PHF24: variants seen among roughly 807,000 people sequenced by gnomAD.
PHF24 encodes PHD finger protein 24, also known as Galpha inhibitory interacting protein.
A neutral mutation model predicts 42.6 loss-of-function variants in PHF24; 25 were observed. The observed-to-expected ratio is 0.59, with a 90% CI of 0.43 to 0.82. PHF24 has a LOEUF of 0.82. Ranked by LOEUF, PHF24 falls within the 40% of genes least tolerant of loss-of-function variation. PHF24 has a pLI of 0.00. For synonymous variants in PHF24, 185 were observed against 204.8 expected (o/e 0.90, Z 0.83); for missense variants, 470 against 538.1 (o/e 0.87, Z 1.25).
At chr9:34,887,177 C>T in the PHF24 span, among the ~76,000 whole-genome samples, 1 of 152,110 alleles carries the variant, frequency 6.6e-6, no homozygotes, top group African/African-American at 2.4e-5. Flanking sequence ...TTGTCTCTAC[C>T]TTCAAAGTGA....
At chr9:34,886,795 ACTCT>A in the PHF24 span, among the ~76,000 whole-genome samples, 2,624 of 134,780 alleles carry the variant, frequency 0.019, 96 homozygotes, top group African/African-American at 0.069. Context: ...CTGTCTATCT[ACTCT>A]ATCTATGTAT....
chr9:34,872,098 A>G, the PHF24 span, among the ~76,000 whole-genome samples: 5 of 152,002 alleles, frequency 3.3e-5, no homozygotes, highest in African/African-American at 1.2e-4. Flanking sequence ...TTTTCCTCAT[A>G]AAGATCTGGT....
At chr9:34,667,022 A>G in the PHF24 span, among the ~76,000 whole-genome samples, 2 of 152,196 alleles carry the variant, frequency 1.3e-5, no homozygotes, top group African/African-American at 2.4e-5. Context: ...TAGAGCTGGG[A>G]GGATCAAAAG....
chr9:34,884,944 C>T, the PHF24 span, among the ~76,000 whole-genome samples: 2 of 152,194 alleles, frequency 1.3e-5, no homozygotes, highest in Non-Finnish European at 2.9e-5. Context: ...CATGTAGGAG[C>T]CTGTGGGGGA....
the PHF24 span, among the ~76,000 whole-genome samples, chr9:34,767,398 C>G: frequency 5.9e-5 from 9 of 152,258 alleles, no homozygotes; most frequent in Non-Finnish European, 1.3e-4. Context: ...CTAAGCAAGC[C>G]TGGGCAATGG....
the PHF24 span, among the ~76,000 whole-genome samples, chr9:34,931,056 T>C: frequency 6.6e-6 from 1 of 151,998 alleles, no homozygotes. Context: ...TGAGATGTGG[T>C]TGTTTAAAAG....
the PHF24 span, among the ~76,000 whole-genome samples, chr9:34,816,372 A>G: frequency 5.4e-4 from 83 of 152,326 alleles, 1 homozygote; most frequent in Admixed American, 4.3e-3. Context: ...CAGTGCTGCA[A>G]TCAACATTCT....
chr9:34,756,319 G>A, the PHF24 span, among the ~76,000 whole-genome samples: 64 of 152,146 alleles, frequency 4.2e-4, no homozygotes, highest in Admixed American at 1.2e-3. Context: ...GGCTGGTCCC[G>A]AACTCCCGAC....
chr9:34,727,095 G>T, the PHF24 span: 3 of 1,448,522 alleles, frequency 2.1e-6, no homozygotes, highest in Non-Finnish European at 1.8e-6. Flanking sequence ...AAACCCTGGG[G>T]CCTATACCAT....
chr9:34,802,368 C>G, the PHF24 span, among the ~76,000 whole-genome samples: 1 of 151,334 alleles, frequency 6.6e-6, no homozygotes, highest in Non-Finnish European at 1.5e-5. Context: ...GCCACATGAC[C>G]CAGGTCATTC....
At chr9:34,955,380 G>T (rs1176559687), upstream of PHF24, among the ~76,000 whole-genome samples, 6 of 146,808 alleles carry the variant, frequency 4.1e-5, no homozygotes, top group African/African-American at 1.5e-4. Context: ...AGTTAAGAGT[G>T]GTTGGTACAG....
chr9:34,739,591 C>T, the PHF24 span, among the ~76,000 whole-genome samples: 23 of 152,002 alleles, frequency 1.5e-4, no homozygotes, highest in Admixed American at 1.0e-3. Context: ...TTCTGATGTT[C>T]GGATGTGTTC....
At chr9:34,891,140 G>A in the PHF24 span, among the ~76,000 whole-genome samples, 7 of 152,186 alleles carry the variant, frequency 4.6e-5, no homozygotes, top group African/African-American at 1.7e-4. Context: ...GGCAGCTCAG[G>A]ATCATCAGTA....
the PHF24 span, among the ~76,000 whole-genome samples, chr9:34,875,946 A>ACTCTCTCTCTCTCTCT: frequency 1.2e-4 from 11 of 89,076 alleles, no homozygotes; most frequent in African/African-American, 5.0e-4. Context: ...ACACACACAC[A>ACTCTCTCTCTCTCTCT]CACACTCTCT....
chr9:34,861,262 G>T, the PHF24 span, among the ~76,000 whole-genome samples: 1 of 152,176 alleles, frequency 6.6e-6, no homozygotes, highest in African/African-American at 2.4e-5. Context: ...GGAAGTCCAA[G>T]TGGTCAAAAT....
the PHF24 span, among the ~76,000 whole-genome samples, chr9:34,754,185 C>T: frequency 6.6e-6 from 1 of 151,884 alleles, no homozygotes; most frequent in Non-Finnish European, 1.5e-5. Flanking sequence ...AGCTTCCGCA[C>T]GCAAAGGAAA....
chr9:34,672,941 A>C, the PHF24 span, among the ~76,000 whole-genome samples: 84,968 of 152,074 alleles, frequency 0.56, 24,129 homozygotes, highest in East Asian at 0.8. Flanking sequence ...CAAGTAGCTG[A>C]GACTACAGCT....
chr9:34,822,384 C>A, the PHF24 span, among the ~76,000 whole-genome samples: 1 of 152,056 alleles, frequency 6.6e-6, no homozygotes, highest in Admixed American at 6.5e-5. Flanking sequence ...TCACCTTTGT[C>A]TTTTTAAAAT....
the PHF24 span, among the ~76,000 whole-genome samples, chr9:34,737,635 C>A: frequency 6.6e-6 from 1 of 152,252 alleles, no homozygotes; most frequent in East Asian, 1.9e-4. Flanking sequence ...ATAGTAACTG[C>A]ACCATTTTAC....
Sources: gnomAD v4.1 joint callset for allele counts (sites outside exome capture counted in the v4.1 genomes callset) on GRCh38, gnomAD v4.1.1 for gene constraint, MANE v1.5 for transcripts, NCBI Gene and HGNC (gene_info 2026-07-23, HGNC 2026-07-21) for gene names.